Variants in KHDRBS1 observed in about 807,000 individuals in gnomAD.
The protein encoded by KHDRBS1 is KH RNA binding domain containing, signal transduction associated 1, also known as KH domain-containing, RNA-binding, signal transduction-associated protein 1.
Under a neutral mutation model 48.4 loss-of-function variants are expected in KHDRBS1, and 7 were observed. That is an observed-to-expected ratio of 0.14 (90% confidence interval 0.08 to 0.27). The LOEUF (loss-of-function observed/expected upper bound fraction) is 0.27, where lower values mean the gene tolerates loss of function less well. Among genes scored for constraint, KHDRBS1 ranks in the 10% least tolerant of loss-of-function variants. The pLI, the probability that KHDRBS1 is intolerant of heterozygous loss-of-function variation, is 1.00. For missense variants in KHDRBS1, 458 were observed against 601.2 expected, an observed-to-expected ratio of 0.76 and a Z score of 2.49; for synonymous variants, 241 against 235.8, an observed-to-expected ratio of 1.02 and a Z score of -0.20.
intron 10 of KHDRBS1, among the ~76,000 whole-genome samples, chr1:32,055,974 T>G (rs1385930243): frequency 1.3e-5 from 2 of 152,142 alleles, no homozygotes; most frequent in African/African-American, 2.4e-5. Flanking sequence ...CTCTGTTTTT[T>G]TGTTTGTTTC....
intron 1 of KHDRBS1, among the ~76,000 whole-genome samples, chr1:32,023,931 T>A (rs1287338399): frequency 2.6e-5 from 4 of 152,130 alleles, no homozygotes; most frequent in Non-Finnish European, 5.9e-5. Context: ...CACACACTCA[T>A]CAAGAGACAA....
At chr1:32,025,139 G>A (rs1638938997) in intron 1 of KHDRBS1, among the ~76,000 whole-genome samples, 1 of 150,164 alleles carries the variant, frequency 6.7e-6, no homozygotes, top group Non-Finnish European at 1.5e-5. Flanking sequence ...GGTGGCACGC[G>A]CCTATGGTTG....
chr1:32,021,045 T>C (rs1182495953), intron 1 of KHDRBS1, among the ~76,000 whole-genome samples: 2 of 152,162 alleles, frequency 1.3e-5, no homozygotes, highest in Non-Finnish European at 2.9e-5. Context: ...ATGCAAAATG[T>C]TATGGGGAAA....
intron 1 of KHDRBS1, among the ~76,000 whole-genome samples, chr1:32,018,108 G>C (rs1156616131): frequency 6.6e-6 from 1 of 152,118 alleles, no homozygotes; most frequent in Admixed American, 6.6e-5. Flanking sequence ...GTATTCTCTA[G>C]AAATACATTA....
At chr1:32,017,147 A>G (rs1348275190) in intron 1 of KHDRBS1, among the ~76,000 whole-genome samples, 1 of 152,042 alleles carries the variant, frequency 6.6e-6, no homozygotes, top group Non-Finnish European at 1.5e-5. Context: ...AATCCCAGCT[A>G]CTTGGGAGGC....
intron 4 of KHDRBS1, among the ~76,000 whole-genome samples, chr1:32,033,796 C>T (rs185556485): frequency 2.0e-5 from 3 of 152,204 alleles, no homozygotes; most frequent in Non-Finnish European, 4.4e-5. Flanking sequence ...TAAATTCTGA[C>T]CTGAGCACAC....
At chr1:32,021,861 G>A (rs1199481391) in intron 1 of KHDRBS1, among the ~76,000 whole-genome samples, 1 of 152,044 alleles carries the variant, frequency 6.6e-6, no homozygotes, top group Non-Finnish European at 1.5e-5. Flanking sequence ...GTGTTGGCCA[G>A]GCTGGTCTTG....
chr1:32,030,550 C>T, intron 2 of KHDRBS1, 128 bp downstream of exon 2: 1 of 605,780 alleles, frequency 1.7e-6, no homozygotes, highest in Non-Finnish European at 2.6e-6. Context: ...CTCTTTCATG[C>T]TTGTAGTACC....
downstream of KHDRBS1, among the ~76,000 whole-genome samples, chr1:32,044,273 A>G (rs903344475): frequency 6.6e-6 from 1 of 152,236 alleles, no homozygotes; most frequent in Non-Finnish European, 1.5e-5. Context: ...GTGACACCAA[A>G]TAATTTCTGT....
chr1:32,053,726 G>T (rs139963675), intron 10 of KHDRBS1, among the ~76,000 whole-genome samples: 1 of 152,174 alleles, frequency 6.6e-6, no homozygotes, highest in Non-Finnish European at 1.5e-5. Context: ...TTCATCATTT[G>T]TAAAATGGGG....
At chr1:32,041,342 C>A (rs969193726) in intron 8 of KHDRBS1, among the ~76,000 whole-genome samples, 1 of 152,110 alleles carries the variant, frequency 6.6e-6, no homozygotes, top group African/African-American at 2.4e-5. Flanking sequence ...GAGATGGAGG[C>A]AGATACTTGT....
At position 32,014,337 on chromosome 1, in the gene KHDRBS1, C is replaced by T. The variant is rs1638691250; in HGVS notation, c.342C>T (p.Leu114=). The part of the protein sequence containing the change: ...LPELMAEKDS[L]DPSFTHAMQL... The stretch of plus-strand genomic sequence containing the variant: ...AACTCATGGCCGAGAAGGACTCGCT[C>T]GACCCGTCCTTCACTCACGCCATGC... The change falls in exon 1 of 9, where the codon CTC becomes CTT. Residue 114 remains leucine, a synonymous_variant. Transcript: ENST00000327300. The T allele has an allele frequency of 6.5e-7, 1 of 1,541,016 alleles. No individual in the cohort carries two copies. The highest frequency in any genetic ancestry group is 1.2e-5 in the South Asian group (1 of 82,626).
intron 10 of KHDRBS1, among the ~76,000 whole-genome samples, chr1:32,058,231 G>T (rs1010558126): frequency 2.2e-4 from 33 of 152,024 alleles, no homozygotes; most frequent in African/African-American, 8.0e-4. Flanking sequence ...GGGACTGTAG[G>T]CATGGGCCAC....
intron 10 of KHDRBS1, among the ~76,000 whole-genome samples, chr1:32,057,571 C>G (rs1031769423): frequency 6.7e-6 from 1 of 149,670 alleles, no homozygotes; most frequent in Admixed American, 6.7e-5. Flanking sequence ...GAGGCTGAGG[C>G]GGGCGGATCA....
At chr1:32,022,586 C>T (rs1192948489) in intron 1 of KHDRBS1, among the ~76,000 whole-genome samples, 1 of 152,022 alleles carries the variant, frequency 6.6e-6, no homozygotes, top group East Asian at 1.9e-4. Flanking sequence ...GTTCCTTATG[C>T]AGGCCATATC....
At chr1:32,041,838 T>G (rs930589299) in intron 8 of KHDRBS1, among the ~76,000 whole-genome samples, 1 of 152,194 alleles carries the variant, frequency 6.6e-6, no homozygotes, top group Non-Finnish European at 1.5e-5. Context: ...TCTGCCTGCC[T>G]TGGCCTCCCA....
At chr1:32,026,628 T>C (rs1037605616) in intron 1 of KHDRBS1, among the ~76,000 whole-genome samples, 1 of 152,206 alleles carries the variant, frequency 6.6e-6, no homozygotes, top group African/African-American at 2.4e-5. Context: ...ACATTGCATA[T>C]AAACACACCT....
intron 8 of KHDRBS1, among the ~76,000 whole-genome samples, chr1:32,041,461 T>C (rs1015554439): frequency 2.6e-5 from 4 of 152,194 alleles, no homozygotes. Flanking sequence ...TCTAGAATTA[T>C]GTGATCATAT....
chr1:32,020,992 A>G (rs921874364), intron 1 of KHDRBS1, among the ~76,000 whole-genome samples: 6 of 152,294 alleles, frequency 3.9e-5, no homozygotes, highest in South Asian at 2.1e-4. Context: ...CTGTACAACA[A>G]ATTTTCTTAT....
Sources: allele counts gnomAD v4.1 joint callset (sites outside exome capture counted in the v4.1 genomes callset), GRCh38; gene constraint gnomAD v4.1.1; transcripts MANE v1.5; gene names NCBI Gene and HGNC (gene_info 2026-07-23, HGNC 2026-07-21).